Variants in CADM2 observed in about 807,000 individuals in gnomAD.
CADM2 encodes the protein immunoglobulin superfamily member 4D.
In CADM2, 12 loss-of-function variants were observed where a neutral mutation model predicts 49.8. That is an observed-to-expected ratio of 0.24 (90% confidence interval 0.15 to 0.39). The LOEUF (loss-of-function observed/expected upper bound fraction) is 0.39, where lower values mean the gene tolerates loss of function less well. Among genes scored for constraint, CADM2 ranks in the 10% least tolerant of loss-of-function variants. The pLI, the probability that CADM2 is intolerant of heterozygous loss-of-function variation, is 1.00. For synonymous variants in CADM2, 214 were observed against 175.4 expected (o/e 1.22, Z -1.74); for missense variants, 378 against 492.3 (o/e 0.77, Z 2.20).
At chr3:85,593,825 C>G (rs2063173504) in intron 1 of CADM2, among the ~76,000 whole-genome samples, 1 of 151,858 alleles carries the variant, frequency 6.6e-6, no homozygotes, top group East Asian at 1.9e-4. Flanking sequence ...AGGACTCTTT[C>G]CAAATACTTG....
chr3:85,953,112 A>G (rs975646275), intron 7 of CADM2, among the ~76,000 whole-genome samples: 1 of 150,020 alleles, frequency 6.7e-6, no homozygotes, highest in South Asian at 2.1e-4. Context: ...CCCACATTTC[A>G]TTCTCTCTTC....
At chr3:85,290,762 G>A (rs1314333039) in intron 1 of CADM2, among the ~76,000 whole-genome samples, 1 of 152,110 alleles carries the variant, frequency 6.6e-6, no homozygotes, top group Non-Finnish European at 1.5e-5. Flanking sequence ...AAACAGAAGG[G>A]ACATCCACAC....
At chr3:85,001,359 C>A (rs971795530) in intron 1 of CADM2, among the ~76,000 whole-genome samples, 3 of 151,900 alleles carry the variant, frequency 2.0e-5, no homozygotes, top group Non-Finnish European at 2.9e-5. Flanking sequence ...TGTCCATTAT[C>A]TTTCTATCTA....
intron 1 of CADM2, among the ~76,000 whole-genome samples, chr3:85,612,707 T>G (rs988220137): frequency 6.6e-6 from 1 of 151,796 alleles, no homozygotes; most frequent in African/African-American, 2.4e-5. Context: ...TATTATGATT[T>G]GATTTAACTT....
At chr3:85,775,321 T>A (rs1408539258) in intron 2 of CADM2, among the ~76,000 whole-genome samples, 1 of 151,776 alleles carries the variant, frequency 6.6e-6, no homozygotes, top group African/African-American at 2.4e-5. Context: ...ATTTAATTTA[T>A]CCTACTTTCA....
At chr3:85,917,663 T>A (rs1222497986) in intron 6 of CADM2, among the ~76,000 whole-genome samples, 2 of 152,210 alleles carry the variant, frequency 1.3e-5, no homozygotes, top group East Asian at 3.9e-4. Context: ...TATTTTTTGG[T>A]TCCATATGAA....
At chr3:85,293,152 A>G (rs1455800428) in intron 1 of CADM2, among the ~76,000 whole-genome samples, 1 of 152,328 alleles carries the variant, frequency 6.6e-6, no homozygotes, top group Non-Finnish European at 1.5e-5. Flanking sequence ...AGAGAATACT[A>G]CAAACACCTC....
chr3:85,439,839 A>G (rs2037114880), intron 1 of CADM2, among the ~76,000 whole-genome samples: 1 of 152,192 alleles, frequency 6.6e-6, no homozygotes, highest in Admixed American at 6.6e-5. Context: ...GGTGCATTAA[A>G]TAGAGGGTTA....
rs943579287 is a variant in CADM2 at position 85,153,365 on chromosome 3, G to A, written c.61+193697G>A. 3.3e-5 allele frequency among the ~76,000 whole-genome samples: 5 copies of A among 152,312 alleles called. No homozygotes were observed. The East Asian group carries it at 9.7e-4, about 30-fold the overall frequency. On this transcript the variant is annotated intron_variant, in intron 1 of 9. Coordinates refer to ENST00000383699, the MANE Select transcript of CADM2 (RefSeq NM_001167675.2). ...ATTGGGTCACTGCCACCCGAATACT[G>A]CACTTTTCTGATGGTCTTAAAAAAT...
intron 3 of CADM2, among the ~76,000 whole-genome samples, chr3:85,861,265 T>C (rs1285099822): frequency 6.6e-6 from 1 of 152,214 alleles, no homozygotes; most frequent in Middle Eastern, 3.2e-3. Context: ...GAAATGCTTT[T>C]CAGTCTATTT....
At chr3:85,123,659 G>A (rs923689404) in intron 1 of CADM2, among the ~76,000 whole-genome samples, 1 of 151,974 alleles carries the variant, frequency 6.6e-6, no homozygotes, top group Non-Finnish European at 1.5e-5. Context: ...TTGATATCAG[G>A]AGGCAAATTG....
intron 1 of CADM2, among the ~76,000 whole-genome samples, chr3:85,430,794 G>C (rs1484639784): frequency 6.6e-6 from 1 of 152,084 alleles, no homozygotes; most frequent in Non-Finnish European, 1.5e-5. Flanking sequence ...TGTTACAGTA[G>C]AAGGGGCTTG....
intron 1 of CADM2, among the ~76,000 whole-genome samples, chr3:85,248,190 G>A (rs774076172): frequency 1.4e-4 from 21 of 152,012 alleles, no homozygotes; most frequent in Non-Finnish European, 2.9e-4. Context: ...AAATAATATG[G>A]CATTGCATGC....
intron 1 of CADM2, among the ~76,000 whole-genome samples, chr3:85,478,151 T>C (rs2039060574): frequency 6.6e-6 from 1 of 151,958 alleles, no homozygotes; most frequent in Non-Finnish European, 1.5e-5. Context: ...TAATCTTTTA[T>C]GCCTTTGATA....
intron 1 of CADM2, among the ~76,000 whole-genome samples, chr3:85,522,468 T>C (rs1576712147): frequency 6.6e-6 from 1 of 152,100 alleles, no homozygotes; most frequent in African/African-American, 2.4e-5. Flanking sequence ...GGTAATTCCA[T>C]TAAATAAAGA....
At chr3:85,614,094 A>G (rs1262335594) in intron 1 of CADM2, among the ~76,000 whole-genome samples, 2 of 151,738 alleles carry the variant, frequency 1.3e-5, no homozygotes, top group Non-Finnish European at 3.0e-5. Context: ...TAAAATATAA[A>G]GATAATAATA....
At chr3:85,486,218 T>C (rs1023670158) in intron 1 of CADM2, among the ~76,000 whole-genome samples, 2 of 152,118 alleles carry the variant, frequency 1.3e-5, no homozygotes, top group African/African-American at 4.8e-5. Flanking sequence ...TCCCTAAGTA[T>C]TATCATAAAA....
At chr3:86,043,593 C>G (rs1736235628) in intron 8 of CADM2, among the ~76,000 whole-genome samples, 1 of 152,188 alleles carries the variant, frequency 6.6e-6, no homozygotes, top group South Asian at 2.1e-4. Context: ...ATTCCATGCT[C>G]ATGGGTAGGA....
At chr3:85,673,372 G>A (rs1483442920) in intron 1 of CADM2, among the ~76,000 whole-genome samples, 3 of 152,004 alleles carry the variant, frequency 2.0e-5, no homozygotes, top group Admixed American at 1.3e-4. Flanking sequence ...AGGAAAAACA[G>A]GGTAGTCTCC....
Sources: gnomAD v4.1 joint callset for allele counts (sites outside exome capture counted in the v4.1 genomes callset) on GRCh38, gnomAD v4.1.1 for gene constraint, MANE v1.5 for transcripts, NCBI Gene and HGNC (gene_info 2026-07-23, HGNC 2026-07-21) for gene names.